Variants in CUX1 observed in about 807,000 individuals in gnomAD.
The protein encoded by CUX1 is protein CASP.
In CUX1, 31 loss-of-function variants were observed where a neutral mutation model predicts 158.8. The ratio of observed to expected loss-of-function variants is 0.20; its 90% CI spans 0.15 to 0.26. CUX1 has a LOEUF of 0.26. Ranked by LOEUF, CUX1 falls within the 10% of genes least tolerant of loss-of-function variation. CUX1 has a pLI of 1.00. For synonymous variants in CUX1, 879 were observed against 862.1 expected, an observed-to-expected ratio of 1.02 and a Z score of -0.34; for missense variants, 1,589 against 2,014.6, an observed-to-expected ratio of 0.79 and a Z score of 4.04.
Position 101,984,077 on chromosome 7 carries a change from C to CCA in CUX1, c.142-44021_142-44020insCA, listed in dbSNP as rs1185648555. Among the ~76,000 whole-genome samples the CCA allele has an allele frequency of 1.6e-3, 27 of 16,762 alleles. 2 individuals are homozygous for CCA. Among genetic ancestry groups the CCA allele is most frequent in the African/African-American group, 7.7e-3 (25 of 3,236 alleles). 11.0% of individuals were successfully genotyped at this position (16,762 alleles called of 152,430 possible). A position where few individuals can be genotyped will look rare whatever the true frequency, so the allele number is the denominator to read the frequency against. Reference sequence around the variant, plus strand: ...GACAGAGCAAGACTCTGTCCCCCCCCAAAAAAAAAAAAATATATATATATA... The same window carrying CCA: ...GACAGAGCAAGACTCTGTCCCCCCCCCAAAAAAAAAAAAAATATATATATATA... On this transcript the variant is annotated intron_variant, in intron 2 of 23. Transcript: ENST00000292535.
At chr7:101,825,276 A>T (rs1274957175) in intron 1 of CUX1, among the ~76,000 whole-genome samples, 1 of 152,238 alleles carries the variant, frequency 6.6e-6, no homozygotes, top group East Asian at 1.9e-4. Flanking sequence ...CATGTGTTTA[A>T]ACCAGCATAG....
chr7:101,907,497 C>T (rs1447088262), intron 1 of CUX1, among the ~76,000 whole-genome samples: 6 of 152,030 alleles, frequency 3.9e-5, no homozygotes, highest in Admixed American at 1.3e-4. Context: ...TACAGGTGTA[C>T]GTCACCACAC....
intron 8 of CUX1, among the ~76,000 whole-genome samples, chr7:102,124,386 C>T (rs1298378280): frequency 5.9e-5 from 9 of 152,234 alleles, no homozygotes; most frequent in Admixed American, 2.0e-4. Flanking sequence ...TGCACTCACA[C>T]GTTTATCACA....
intron 4 of CUX1, among the ~76,000 whole-genome samples, chr7:102,089,364 T>C (rs1828287854): frequency 6.6e-6 from 1 of 152,250 alleles, no homozygotes; most frequent in Non-Finnish European, 1.5e-5. Context: ...TAATTTCCTA[T>C]TGAATTTTAG....
At chr7:101,968,185 A>G (rs1811463752) in intron 2 of CUX1, among the ~76,000 whole-genome samples, 1 of 152,112 alleles carries the variant, frequency 6.6e-6, no homozygotes, top group Non-Finnish European at 1.5e-5. Context: ...GATTACAGGC[A>G]TGAACCACTG....
intron 8 of CUX1, among the ~76,000 whole-genome samples, chr7:102,146,393 G>GAA (rs1835025571): frequency 6.6e-6 from 1 of 152,180 alleles, no homozygotes; most frequent in Non-Finnish European, 1.5e-5. Context: ...GGCACAGGTA[G>GAA]AAAGTTGACC....
chr7:101,859,571 G>C (rs1797220616), intron 1 of CUX1, among the ~76,000 whole-genome samples: 1 of 152,148 alleles, frequency 6.6e-6, no homozygotes. Flanking sequence ...ATTACTGTCA[G>C]GTATTGGCGG....
chr7:102,149,643 G>C (rs1554503044), intron 8 of CUX1, among the ~76,000 whole-genome samples: 1 of 152,208 alleles, frequency 6.6e-6, no homozygotes, highest in African/African-American at 2.4e-5. Context: ...GCCACAGCAG[G>C]TGCCTTTGCT....
At position 102,256,116 on chromosome 7, in the gene CUX1, G is replaced by T; in HGVS notation, c.*7074G>T. 1.0e-6 allele frequency: 1 copy of T among 985,394 alleles called. No individual in the cohort carries two copies. The highest frequency in any genetic ancestry group is 1.2e-6 in the Non-Finnish European group (1 of 829,930). 61.0% of individuals were successfully genotyped at this position (985,394 alleles called of 1,614,324 possible). ...GTGACCACTGTGCTGGGCGTGCAGG[G>T]CCCGCGGGCTCTGGCCGGAGCCGCT... On this transcript the variant is annotated 3_prime_UTR_variant, in exon 24 of 24. Transcript: ENST00000292535.
intron 9 of CUX1, among the ~76,000 whole-genome samples, chr7:102,168,938 C>CTT (rs782482609): frequency 1.9e-5 from 1 of 52,684 alleles, no homozygotes; most frequent in Admixed American, 2.1e-4. Flanking sequence ...CTTTTATTTT[C>CTT]TTTTTTTTTT....
At chr7:102,181,265 T>G (rs1554513939) in intron 11 of CUX1, among the ~76,000 whole-genome samples, 2 of 152,292 alleles carry the variant, frequency 1.3e-5, no homozygotes, top group African/African-American at 2.4e-5. Context: ...CCGCCGTTTC[T>G]TCCTCTCTCA....
chr7:101,997,619 T>C (rs1447371443), intron 2 of CUX1, among the ~76,000 whole-genome samples: 2 of 152,116 alleles, frequency 1.3e-5, no homozygotes. Context: ...GCTGGGATTA[T>C]AGGCATGAGC....
intron 8 of CUX1, among the ~76,000 whole-genome samples, chr7:102,129,829 T>C (rs1833027852): frequency 6.6e-6 from 1 of 152,174 alleles, no homozygotes; most frequent in Non-Finnish European, 1.5e-5. Flanking sequence ...GCGGCCCGCA[T>C]TGGAGATCTG....
chr7:101,981,556 G>A (rs1236319223), intron 2 of CUX1, among the ~76,000 whole-genome samples: 1 of 152,044 alleles, frequency 6.6e-6, no homozygotes, highest in Non-Finnish European at 1.5e-5. Flanking sequence ...TGATATCCCA[G>A]GCATTCCCCA....
At chr7:102,039,660 C>CAA (rs951801289) in intron 3 of CUX1, among the ~76,000 whole-genome samples, 6 of 90,374 alleles carry the variant, frequency 6.6e-5, no homozygotes, top group African/African-American at 1.7e-4. Flanking sequence ...GTCTCTATTT[C>CAA]AAAAAAAAAA....
intron 2 of CUX1, among the ~76,000 whole-genome samples, chr7:101,984,127 TATACACAC>T (rs1482813055): frequency 0.022 from 624 of 28,544 alleles, 64 homozygotes; most frequent in African/African-American, 0.072. Context: ...TATATATATA[TATACACAC>T]ACACATATAT....
chr7:102,043,406 C>T (rs1822360242), intron 3 of CUX1, among the ~76,000 whole-genome samples: 1 of 148,102 alleles, frequency 6.8e-6, no homozygotes, highest in South Asian at 2.1e-4. Context: ...TAGCAAATGT[C>T]ATATATATGA....
intron 8 of CUX1, among the ~76,000 whole-genome samples, chr7:102,133,631 A>G (rs1196098908): frequency 2.0e-5 from 3 of 151,902 alleles, no homozygotes; most frequent in Non-Finnish European, 4.4e-5. Flanking sequence ...ATGTGCCACC[A>G]CACCCAGATA....
chr7:101,979,914 A>G (rs1036565323), intron 2 of CUX1, among the ~76,000 whole-genome samples: 3 of 152,108 alleles, frequency 2.0e-5, no homozygotes, highest in African/African-American at 7.2e-5. Flanking sequence ...TTGGCCTCCC[A>G]AAGTGCTGGG....
Sources: gnomAD v4.1 joint callset for allele counts (sites outside exome capture counted in the v4.1 genomes callset) on GRCh38, gnomAD v4.1.1 for gene constraint, MANE v1.5 for transcripts, NCBI Gene and HGNC (gene_info 2026-07-23, HGNC 2026-07-21) for gene names.